TMEM61: variants seen among roughly 807,000 people sequenced by gnomAD.
TMEM61 encodes transmembrane protein 61.
Under a neutral mutation model 12.0 loss-of-function variants are expected in TMEM61, and 13 were observed. The observed-to-expected ratio is 1.08, with a 90% CI of 0.70 to 1.72. The LOEUF (loss-of-function observed/expected upper bound fraction) is 1.72, where lower values mean the gene tolerates loss of function less well. Among genes scored for constraint, TMEM61 ranks in the 40% most tolerant of loss-of-function variants. The pLI, the probability that TMEM61 is intolerant of heterozygous loss-of-function variation, is 0.00. For synonymous variants in TMEM61, 109 were observed against 121.4 expected (o/e 0.90, Z 0.67); for missense variants, 249 against 276.9 (o/e 0.90, Z 0.71).
chr1:54,990,630 C>G (rs1010710195), intron 2 of TMEM61, among the ~76,000 whole-genome samples: 1 of 152,172 alleles, frequency 6.6e-6, no homozygotes. Flanking sequence ...AACTGAGGAG[C>G]CTGGCAAGTG....
At chr1:54,988,654 TG>T (rs1394846869) in intron 2 of TMEM61, among the ~76,000 whole-genome samples, 1 of 152,214 alleles carries the variant, frequency 6.6e-6, no homozygotes, top group Non-Finnish European at 1.5e-5. Context: ...GCTGATGGCT[TG>T]GGCAGGTCCC....
chr1:54,990,628 A>G (rs534006673), intron 2 of TMEM61, among the ~76,000 whole-genome samples: 2 of 152,246 alleles, frequency 1.3e-5, no homozygotes, highest in African/African-American at 4.8e-5. Flanking sequence ...CAAACTGAGG[A>G]GCCTGGCAAG....
At position 54,987,949 on chromosome 1, in the gene TMEM61, A is replaced by G. The variant is rs1644271355; in HGVS notation, c.365+1503A>G. Among the ~76,000 whole-genome samples the G allele has an allele frequency of 2.0e-5, 3 of 152,270 alleles. No individual in the cohort carries two copies. In the East Asian group the frequency reaches 5.8e-4, roughly 29 times the overall value. On this transcript the variant is annotated intron_variant, in intron 2 of 2. Transcript: ENST00000371268. ...TACCAGCCTGTGACTTCTTAAAGCT[A>G]GAGATGATGCAGTACAGTCAGCCCT...
chr1:54,991,725 C>T (rs1570264022), intron 2 of TMEM61, 111 bp from the exon 3 acceptor site: 1 of 1,318,448 alleles, frequency 7.6e-7, no homozygotes, highest in African/African-American at 1.5e-5. Context: ...GCCACAAAGG[C>T]TTGGAGCAGG....
intron 2 of TMEM61, among the ~76,000 whole-genome samples, chr1:54,991,213 T>A (rs1304376726): frequency 6.6e-6 from 1 of 151,856 alleles, no homozygotes; most frequent in African/African-American, 2.4e-5. Flanking sequence ...CCCTGTGGGG[T>A]GGTTTAGTTG....
intron 1 of TMEM61, among the ~76,000 whole-genome samples, chr1:54,984,280 T>C (rs932028227): frequency 7.2e-5 from 11 of 152,208 alleles, no homozygotes; most frequent in Non-Finnish European, 1.3e-4. Flanking sequence ...CTTTAAGGTC[T>C]GTGGCCCCCG....
chr1:54,989,371 A>C (rs1333344964), intron 2 of TMEM61, among the ~76,000 whole-genome samples: 1 of 152,218 alleles, frequency 6.6e-6, no homozygotes, highest in Admixed American at 6.5e-5. Flanking sequence ...AGTGTTGGGC[A>C]AATTGTATTT....
chr1:54,991,568 G>T (rs1274997008), intron 2 of TMEM61, among the ~76,000 whole-genome samples: 2 of 152,240 alleles, frequency 1.3e-5, no homozygotes, highest in Non-Finnish European at 2.9e-5. Context: ...GACTTACCCT[G>T]CAGAGAGAAC....
In TMEM61 at chr1:54,980,700, C is replaced by A. The variant is rs2253476; in HGVS notation, c.-366C>A. 0.69 allele frequency: 150,461 copies of A among 217,418 alleles called. 54,593 individuals carry two copies. The highest frequency in any genetic ancestry group is 0.8 in the Non-Finnish European group (88,106 of 110,638). 13.5% of individuals were successfully genotyped at this position (217,418 alleles called of 1,614,324 possible). A position where few individuals can be genotyped will look rare whatever the true frequency, so the allele number is the denominator to read the frequency against. ...CGGGCGTCACCACCGGAGTGGAGGG[C>A]GAGGCCCGGGTCCCGCGCTCCCCTG... is the stretch of plus-strand genomic sequence containing the variant. On this transcript the variant is annotated 5_prime_UTR_variant, in exon 1 of 3. Transcript: ENST00000371268.
At chr1:54,987,461 A>G (rs902846281) in intron 2 of TMEM61, among the ~76,000 whole-genome samples, 1 of 152,086 alleles carries the variant, frequency 6.6e-6, no homozygotes, top group Admixed American at 6.5e-5. Flanking sequence ...ATGAAATTGT[A>G]ACACCCCAGA....
intron 1 of TMEM61, among the ~76,000 whole-genome samples, chr1:54,982,993 TCTG>T (rs1182534438): frequency 2.0e-5 from 3 of 151,950 alleles, no homozygotes; most frequent in African/African-American, 7.2e-5. Flanking sequence ...ACAGCACACA[TCTG>T]CTGCTGCCAT....
At position 54,991,996 on chromosome 1, in the gene TMEM61, A is replaced by G. The variant is rs1644302979; in HGVS notation, c.526A>G (p.Ser176Gly). The change falls in exon 3 of 3, where the codon AGC becomes GGC. Residue 176 changes from serine to glycine, a missense_variant. Transcript: ENST00000371268. Reference protein sequence around the residue: ...LSTQPAWPPPSYESISLALDA... With the variant: ...LSTQPAWPPPGYESISLALDA... ...CACCCAGCCCGCCTGGCCTCCACCCAGCTATGAGAGCATCAGCCTTGCTCT... is the reference window on the plus strand; with the variant it reads ...CACCCAGCCCGCCTGGCCTCCACCCGGCTATGAGAGCATCAGCCTTGCTCT... The G allele has an allele frequency of 1.2e-6, 2 of 1,614,112 alleles. No homozygotes were observed. The highest frequency in any genetic ancestry group is 1.1e-5 in the South Asian group (1 of 91,084).
chr1:54,989,300 G>A (rs1644280096), intron 2 of TMEM61, among the ~76,000 whole-genome samples: 1 of 152,210 alleles, frequency 6.6e-6, no homozygotes, highest in Admixed American at 6.5e-5. Flanking sequence ...CATCTGTAAA[G>A]TGGGTGCAGG....
At position 54,986,199 on chromosome 1, in the gene TMEM61, G is replaced by A. The variant is rs3737832; in HGVS notation, c.118G>A (p.Glu40Lys). ...GACGCTCTGCTTCGCTTGGTGGAGC[G>A]AAGGGGATGCAACCGCCCAGCCTGG... ...AGTLCFAWWS[E>K]GDATAQPGQL... is the part of the protein sequence containing the mutation. The change falls in exon 2 of 3, where the codon GAA becomes AAA. Residue 40 changes from glutamate (E) to lysine (K), a missense_variant. Physicochemically the swap from Glu to Lys is moderately conservative, Grantham distance 56. Transcript: ENST00000371268. The A allele has an allele frequency of 0.019, 30,996 of 1,613,876 alleles. 965 individuals are homozygous for A. Among genetic ancestry groups the A allele is most frequent in the Admixed American group, 0.14 (8,387 of 60,016 alleles).
At chr1:54,990,504 G>A (rs992902769) in intron 2 of TMEM61, among the ~76,000 whole-genome samples, 1 of 152,172 alleles carries the variant, frequency 6.6e-6, no homozygotes, top group Non-Finnish European at 1.5e-5. Context: ...CCCTCCGTCA[G>A]CTAAGTCCCA....
chr1:54,982,387 G>C (rs1271236099), intron 1 of TMEM61, among the ~76,000 whole-genome samples: 1 of 152,152 alleles, frequency 6.6e-6, no homozygotes, highest in Non-Finnish European at 1.5e-5. Flanking sequence ...ACAGCCTGCT[G>C]ATAGTGACAT....
Position 54,991,826 on chromosome 1 carries a change from G to C in TMEM61, c.366-10G>C, listed in dbSNP as rs374480075. 8.7e-6 allele frequency: 14 copies of C among 1,613,048 alleles called. No homozygotes were observed. The highest frequency in any genetic ancestry group is 1.2e-5 in the Non-Finnish European group (14 of 1,179,558). On this transcript the variant is annotated splice_polypyrimidine_tract_variant and intron_variant, in intron 2 of 2. Transcript: ENST00000371268. ...AGCCCCTGCTAACAGCCTCTCTTCT[G>C]TTCCTGCAGGACCCCCAAAGTGGTT... is the stretch of plus-strand genomic sequence containing the variant.
In TMEM61 at chr1:54,980,978, T is replaced by A; in HGVS notation, c.-88T>A. 1 of 1,407,170 alleles carries A rather than the reference T, an allele frequency of 7.1e-7. No homozygotes were observed. Among genetic ancestry groups the A allele is most frequent in the Non-Finnish European group, 9.5e-7 (1 of 1,055,900 alleles). 87.2% of individuals were successfully genotyped at this position (1,407,170 alleles called of 1,614,324 possible). ...GACCCGAGGGTCGCCGCTGGTAGGG[T>A]CGCTCAGCCCTGGCGTCCTCCACCA... On this transcript the variant is annotated 5_prime_UTR_variant, in exon 1 of 3. Transcript: ENST00000371268.
Position 54,990,276 on chromosome 1 carries a change from C to T in TMEM61, c.366-1560C>T, listed in dbSNP as rs1367856841. Among the ~76,000 whole-genome samples, 2 of 152,260 alleles carry T rather than the reference C, an allele frequency of 1.3e-5. 1 individual carries two copies. The highest frequency in any genetic ancestry group is 4.1e-4 in the South Asian group (2 of 4,824). On this transcript the variant is annotated intron_variant, in intron 2 of 2. Coordinates refer to ENST00000371268, the MANE Select transcript of TMEM61 (RefSeq NM_182532.3). Reference sequence around the variant, plus strand: ...TGTCCCAGGGATTTCTGGCTGGTGCCCTGCCCTGTACTGACATACAGGCTG... The same window carrying T: ...TGTCCCAGGGATTTCTGGCTGGTGCTCTGCCCTGTACTGACATACAGGCTG...
Sources: allele counts gnomAD v4.1 joint callset (sites outside exome capture counted in the v4.1 genomes callset), GRCh38; gene constraint gnomAD v4.1.1; transcripts MANE v1.5; gene names NCBI Gene and HGNC (gene_info 2026-07-23, HGNC 2026-07-21).